PIK3C3: variants seen among roughly 807,000 people sequenced by gnomAD.
PIK3C3 encodes phosphatidylinositol 3-kinase catalytic subunit type 3, also known as PI3-kinase type 3.
In PIK3C3, 95 loss-of-function variants were observed where a neutral mutation model predicts 126.1. The observed-to-expected ratio is 0.75, with a 90% CI of 0.64 to 0.89. PIK3C3 has a LOEUF of 0.89. Ranked by LOEUF, PIK3C3 falls within the 40% of genes least tolerant of loss-of-function variation. The pLI, the probability that PIK3C3 is intolerant of heterozygous loss-of-function variation, is 0.00. For synonymous variants in PIK3C3, 374 were observed against 360.0 expected (o/e 1.04, Z -0.44); for missense variants, 829 against 1,063.2 (o/e 0.78, Z 3.06).
At chr18:42,023,186 A>G (rs1278306863) in intron 13 of PIK3C3, among the ~76,000 whole-genome samples, 4 of 152,182 alleles carry the variant, frequency 2.6e-5, no homozygotes, top group Admixed American at 1.3e-4. Context: ...AGTATTCACT[A>G]TGGTAAGAGC....
Position 42,002,469 on chromosome 18 carries a change from G to A in PIK3C3, c.985-1887G>A, listed in dbSNP as rs76329575. On this transcript the variant is annotated intron_variant, in intron 9 of 24. Transcript: ENST00000262039. The stretch of plus-strand genomic sequence containing the variant: ...AAATATTGGAAAGGTTGTCCACATC[G>A]TATGGGGCTAAATTTACTCCCATTC... Among the ~76,000 whole-genome samples the A allele has an allele frequency of 3.3e-4, 50 of 152,266 alleles. No homozygotes were observed. The East Asian group carries it at 9.1e-3, about 28-fold the overall frequency.
intron 20 of PIK3C3, among the ~76,000 whole-genome samples, chr18:42,044,902 A>G (rs1216964164): frequency 2.0e-5 from 3 of 152,204 alleles, no homozygotes; most frequent in Non-Finnish European, 4.4e-5. Flanking sequence ...GAGAGCAAGA[A>G]GAGGGCTTTC....
chr18:42,070,491 T>A (rs1200841209), intron 24 of PIK3C3: 1 of 152,150 alleles, frequency 6.6e-6, no homozygotes, highest in African/African-American at 2.4e-5. Context: ...CCATTTTTCT[T>A]AATTCTCTTT....
intron 20 of PIK3C3, among the ~76,000 whole-genome samples, chr18:42,046,380 C>G (rs771625751): frequency 2.0e-5 from 3 of 152,022 alleles, no homozygotes; most frequent in Non-Finnish European, 2.9e-5. Flanking sequence ...TATCTAAAGT[C>G]TCAAGTGTAT....
At chr18:42,032,392 A>C (rs1001083562) in intron 15 of PIK3C3, among the ~76,000 whole-genome samples, 1 of 152,138 alleles carries the variant, frequency 6.6e-6, no homozygotes, top group Non-Finnish European at 1.5e-5. Context: ...GCTATTGGAG[A>C]TTTTGAATAG....
At chr18:42,014,231 AGAAAT>A (rs1247724403) in intron 11 of PIK3C3, among the ~76,000 whole-genome samples, 1 of 151,270 alleles carries the variant, frequency 6.6e-6, no homozygotes, top group African/African-American at 2.4e-5. Flanking sequence ...AAAAAAAAAA[AGAAAT>A]GGATGAAATA....
At chr18:42,020,063 C>T (rs952874944) in intron 12 of PIK3C3, among the ~76,000 whole-genome samples, 2 of 152,118 alleles carry the variant, frequency 1.3e-5, no homozygotes, top group African/African-American at 4.8e-5. Context: ...CTGTACTTCA[C>T]AGGACAACCA....
chr18:41,973,856 A>G (rs1980787426), intron 4 of PIK3C3, among the ~76,000 whole-genome samples: 1 of 152,154 alleles, frequency 6.6e-6, no homozygotes, highest in Non-Finnish European at 1.5e-5. Context: ...TAGTATTCAA[A>G]TAGATGAGGG....
chr18:41,970,775 C>G, intron 4 of PIK3C3: 1 of 506,722 alleles, frequency 2.0e-6, no homozygotes, highest in Non-Finnish European at 3.5e-6. Context: ...CAGGCAAGTA[C>G]TAATCTACTT....
chr18:42,045,107 G>A (rs1025267820), intron 20 of PIK3C3, among the ~76,000 whole-genome samples: 3 of 152,098 alleles, frequency 2.0e-5, no homozygotes, highest in Non-Finnish European at 1.5e-5. Flanking sequence ...TGAACTTTGA[G>A]AATATGGAAA....
chr18:42,053,076 G>A (rs933631531), intron 21 of PIK3C3: 4 of 152,264 alleles, frequency 2.6e-5, no homozygotes, highest in South Asian at 2.1e-4. Context: ...TGATATGGGG[G>A]ATGGAGCAGA....
intron 11 of PIK3C3, among the ~76,000 whole-genome samples, chr18:42,015,109 A>T (rs181546109): frequency 6.6e-6 from 1 of 152,194 alleles, no homozygotes; most frequent in East Asian, 1.9e-4. Context: ...AAGCTCTGTT[A>T]TGTTTTTAAG....
At position 41,993,142 on chromosome 18, in the gene PIK3C3, T is replaced by A. The variant is rs534355591; in HGVS notation, c.715-128T>A. The A allele has an allele frequency of 1.2e-3, 670 of 538,496 alleles. 7 individuals are homozygous for A. The highest frequency in any genetic ancestry group is 2.5e-4 in the Non-Finnish European group (78 of 307,222). The allele number at this position is 538,496 out of a possible 1,614,324, so 33.4% of individuals were successfully genotyped here. On this transcript the variant is annotated intron_variant, in intron 6 of 24. Transcript: ENST00000262039. Reference sequence around the variant, plus strand: ...ATTTTATAATATTGTTAGAAGAAGATAAGGATTTCTTTAAAGGGAAGAATG... The same window carrying A: ...ATTTTATAATATTGTTAGAAGAAGAAAAGGATTTCTTTAAAGGGAAGAATG...
At chr18:42,040,087 GT>G (rs1984237508) in intron 18 of PIK3C3, among the ~76,000 whole-genome samples, 1 of 131,504 alleles carries the variant, frequency 7.6e-6, no homozygotes, top group Non-Finnish European at 1.6e-5. Context: ...ATTGTTTTAT[GT>G]TTCTGTTGTC....
intron 7 of PIK3C3, among the ~76,000 whole-genome samples, chr18:41,994,030 T>C (rs939270348): frequency 7.2e-5 from 11 of 152,174 alleles, no homozygotes; most frequent in African/African-American, 2.7e-4. Context: ...CTCTTTTTGT[T>C]CTAATTTTAT....
At chr18:42,030,718 C>G (rs1045147808) in intron 15 of PIK3C3, among the ~76,000 whole-genome samples, 3 of 152,120 alleles carry the variant, frequency 2.0e-5, no homozygotes. Context: ...CTACTGTTCC[C>G]CCTGTAGCAC....
At position 42,047,342 on chromosome 18, in the gene PIK3C3, C is replaced by T. The variant is rs548125997; in HGVS notation, c.2189-2189C>T. On this transcript the variant is annotated intron_variant, in intron 20 of 24. Coordinates refer to ENST00000262039, the MANE Select transcript of PIK3C3 (RefSeq NM_002647.4). ...CCCTTGAGTGGCAGGTAGATTTCTA[C>T]GAATCACATGTTAGAGAACCTAAGT... is the stretch of plus-strand genomic sequence containing the variant. Among the ~76,000 whole-genome samples the T allele has an allele frequency of 7.9e-5, 12 of 152,164 alleles. No homozygotes were observed. In the South Asian group the frequency reaches 1.9e-3, roughly 24 times the overall value.
At chr18:41,990,629 G>C in intron 6 of PIK3C3, 75 bp downstream of exon 6, 1 of 778,148 alleles carries the variant, frequency 1.3e-6, no homozygotes, top group Non-Finnish European at 2.2e-6. Flanking sequence ...TGTTGTTCCT[G>C]CTGGGATGAA....
At chr18:42,000,927 A>C (rs1044582453) in intron 9 of PIK3C3, among the ~76,000 whole-genome samples, 2 of 152,212 alleles carry the variant, frequency 1.3e-5, no homozygotes, top group Non-Finnish European at 1.5e-5. Context: ...CAGCCACACC[A>C]TATCAGTAAG....
Sources: gnomAD v4.1 joint callset for allele counts (sites outside exome capture counted in the v4.1 genomes callset) on GRCh38, gnomAD v4.1.1 for gene constraint, MANE v1.5 for transcripts, NCBI Gene and HGNC (gene_info 2026-07-23, HGNC 2026-07-21) for gene names.